The following PPP1R12C variants were observed in gnomAD, a reference collection of about 807,000 sequenced individuals.
The protein encoded by PPP1R12C is protein phosphatase 1 regulatory subunit 12C.
PPP1R12C carries 48 observed loss-of-function variants against 95.6 expected under a neutral mutation model. The ratio of observed to expected loss-of-function variants is 0.50; its 90% CI spans 0.40 to 0.64. The LOEUF (loss-of-function observed/expected upper bound fraction) is 0.64. PPP1R12C is among the 30% of genes least tolerant of loss of function. The pLI is 0.00. For missense variants in PPP1R12C, 1,057 were observed against 1,083.3 expected, an observed-to-expected ratio of 0.98 and a Z score of 0.34; for synonymous variants, 480 against 460.8, an observed-to-expected ratio of 1.04 and a Z score of -0.53.
chr19:55,101,622 G>A (rs942733998), intron 4 of PPP1R12C, among the ~76,000 whole-genome samples: 2 of 152,240 alleles, frequency 1.3e-5, no homozygotes, highest in Non-Finnish European at 2.9e-5. Flanking sequence ...AGTGGCAGGA[G>A]ATGAAGCCGC....
In PPP1R12C at chr19:55,098,940, C is replaced by T. The variant is rs560223163; in HGVS notation, c.876+11G>A. On this transcript the variant is annotated intron_variant, in intron 5 of 21. Coordinates refer to ENST00000263433, the MANE Select transcript of PPP1R12C (RefSeq NM_017607.4). ...GCCCTGCCCCTCACCAGCCTGGGCA[C>T]TGGCCCTCACCGCATGGGTCAGTGA... is the stretch of plus-strand genomic sequence containing the variant. The T allele has an allele frequency of 6.3e-6, 10 of 1,590,642 alleles. No individual in the cohort carries two copies. The East Asian group carries it at 2.1e-4, about 33-fold the overall frequency.
Position 55,092,774 on chromosome 19 carries a change from G to C in PPP1R12C, c.1911+9C>G. The C allele has an allele frequency of 1.3e-6, 2 of 1,551,406 alleles. No individual in the cohort carries two copies. Among genetic ancestry groups the C allele is most frequent in the Non-Finnish European group, 1.7e-6 (2 of 1,147,456 alleles). ...TCTGCACCAGCTCGGCCCCACCTGA[G>C]CCCCTCACCTCCGCAGGCCCCCTCC... is the stretch of plus-strand genomic sequence containing the variant. On this transcript the variant is annotated intron_variant, in intron 16 of 21. Coordinates refer to ENST00000263433, the MANE Select transcript of PPP1R12C (RefSeq NM_017607.4).
rs1266070357 is a variant in PPP1R12C at position 55,094,658 on chromosome 19, C to T, written c.1592+3G>A. The T allele has an allele frequency of 6.3e-7, 1 of 1,583,494 alleles. No homozygotes were observed. Among genetic ancestry groups the T allele is most frequent in the Non-Finnish European group, 8.6e-7 (1 of 1,169,450 alleles). ...CGGCAGCTTCCTGCCCTGGCCTCTTCACCTCCGTCGGTCCCGGGAGTCCGC... is the reference window on the plus strand; with the variant it reads ...CGGCAGCTTCCTGCCCTGGCCTCTTTACCTCCGTCGGTCCCGGGAGTCCGC... On this transcript the variant is annotated splice_donor_region_variant and intron_variant, in intron 12 of 21. Coordinates refer to ENST00000263433, the MANE Select transcript of PPP1R12C (RefSeq NM_017607.4).
At position 55,091,714 on chromosome 19, in the gene PPP1R12C, G is replaced by A. The variant is rs1568803022; in HGVS notation, c.2212-14C>T. On this transcript the variant is annotated splice_polypyrimidine_tract_variant and intron_variant, in intron 20 of 21. Coordinates refer to ENST00000263433, the MANE Select transcript of PPP1R12C (RefSeq NM_017607.4). ...GGCCCTGCGCTCCTGGAATGAACAGGGAAAGTGCAGAAACTGAGTGAGGCT... is the reference window on the plus strand; with the variant it reads ...GGCCCTGCGCTCCTGGAATGAACAGAGAAAGTGCAGAAACTGAGTGAGGCT... The A allele has an allele frequency of 1.9e-6, 3 of 1,613,526 alleles. No individual in the cohort carries two copies. The highest frequency in any genetic ancestry group is 1.6e-4 in the Middle Eastern group (1 of 6,084).
chr19:55,112,862 C>T, intron 1 of PPP1R12C, 67 bp from the exon 2 acceptor site: 1 of 1,592,046 alleles, frequency 6.3e-7, no homozygotes, highest in Non-Finnish European at 8.5e-7. Context: ...GTCGGGACTC[C>T]AGAGGGAGCC....
At position 55,105,070 on chromosome 19, in the gene PPP1R12C, CT is replaced by C. The variant is rs60663683; in HGVS notation, c.572-1503del. 6.4e-3 allele frequency among the ~76,000 whole-genome samples: 910 copies of C among 141,770 alleles called. 5 individuals are homozygous for C. The highest frequency in any genetic ancestry group is 0.01 in the Non-Finnish European group (652 of 64,604). The allele number at this position is 141,770 out of a possible 152,430, so 93.0% of individuals were successfully genotyped here. ...CAGGCAGGAGCCACCGCATCTGACC[CT>C]TTTTTTTTTTTTGAGACAGGACCTC... On this transcript the variant is annotated intron_variant, in intron 3 of 21. Coordinates refer to ENST00000263433, the MANE Select transcript of PPP1R12C (RefSeq NM_017607.4).
rs959137856 is a variant in PPP1R12C at position 55,091,023 on chromosome 19, A to G, written c.*449T>C. 1.2e-5 allele frequency: 2 copies of G among 161,204 alleles called. No homozygotes were observed. Among genetic ancestry groups the G allele is most frequent in the African/African-American group, 4.8e-5 (2 of 41,634 alleles). The allele number at this position is 161,204 out of a possible 1,614,324, so 10.0% of individuals were successfully genotyped here. On this transcript the variant is annotated 3_prime_UTR_variant, in exon 22 of 22. Transcript: ENST00000263433. Reference sequence around the variant, plus strand: ...GGGAGGGGGCAGCAAAAAATAGAAGACGTCCCTCCCTATTGCACATGGACC... The same window carrying G: ...GGGAGGGGGCAGCAAAAAATAGAAGGCGTCCCTCCCTATTGCACATGGACC...
intron 3 of PPP1R12C, among the ~76,000 whole-genome samples, chr19:55,104,954 T>C (rs1011519651): frequency 3.3e-5 from 5 of 151,976 alleles, no homozygotes; most frequent in Non-Finnish European, 7.4e-5. Flanking sequence ...GTATTTTTAA[T>C]AGAGATGGGG....
Position 55,095,305 on chromosome 19 carries a change from C to T in PPP1R12C, c.1440G>A (p.Pro480=), listed in dbSNP as rs35936110. 5.9e-3 allele frequency: 9,382 copies of T among 1,580,012 alleles called. 33 individuals are homozygous for T. Among genetic ancestry groups the T allele is most frequent in the Non-Finnish European group, 6.9e-3 (8,071 of 1,163,382 alleles). ...TGGGGACTCACAGGACAGAGGGCTCCGGCAGCTTCGGGGAGGGGGTCGGGG... is the reference window on the plus strand; with the variant it reads ...TGGGGACTCACAGGACAGAGGGCTCTGGCAGCTTCGGGGAGGGGGTCGGGG... ...RITPTPSPKL[P]EPSVLSEVTK... is the part of the protein sequence containing the mutation. Residue 480 remains proline (P), a synonymous_variant, in exon 11 of 22, where the codon CCG becomes CCA. Transcript: ENST00000263433.
chr19:55,095,646 C>T (rs2084902611), intron 9 of PPP1R12C, 43 bp from the exon 10 acceptor site: 2 of 1,512,748 alleles, frequency 1.3e-6, no homozygotes, highest in African/African-American at 2.8e-5. Context: ...AAGGATCCCT[C>T]TTCTCAGACC....
At chr19:55,099,490 A>G (rs2084958497) in intron 4 of PPP1R12C, among the ~76,000 whole-genome samples, 2 of 152,218 alleles carry the variant, frequency 1.3e-5, no homozygotes, top group South Asian at 4.1e-4. Flanking sequence ...GGGCTGTCTC[A>G]GGGCAGTAGT....
At chr19:55,110,324 G>A (rs7259847) in intron 3 of PPP1R12C, among the ~76,000 whole-genome samples, 18 of 150,248 alleles carry the variant, frequency 1.2e-4, no homozygotes, top group Non-Finnish European at 2.1e-4. Context: ...AGGTTGGTGC[G>A]GTGGGTGAGA....
intron 4 of PPP1R12C, among the ~76,000 whole-genome samples, chr19:55,101,517 C>T (rs1454076591): frequency 2.6e-5 from 4 of 152,294 alleles, no homozygotes; most frequent in African/African-American, 4.8e-5. Flanking sequence ...GGGATGCTGG[C>T]GTTAAGTGGT....
Position 55,091,918 on chromosome 19 carries a change from G to A in PPP1R12C, c.2161-9C>T. 1 of 1,613,046 alleles carries A rather than the reference G, an allele frequency of 6.2e-7. No homozygotes were observed. Among genetic ancestry groups the A allele is most frequent in the South Asian group, 1.1e-5 (1 of 91,084 alleles). On this transcript the variant is annotated splice_polypyrimidine_tract_variant and intron_variant, in intron 19 of 21. Transcript: ENST00000263433. ...GCGAAGCGTTCTTGCCTCTGGTGAG[G>A]ACACAGAAAGCACAGGGGTCAGCAG... is the stretch of plus-strand genomic sequence containing the variant.
At chr19:55,113,380 A>G (rs945724239) in intron 1 of PPP1R12C, 6 of 1,439,310 alleles carry the variant, frequency 4.2e-6, no homozygotes, top group Non-Finnish European at 5.5e-6. Context: ...GAGGGGTGAG[A>G]CAGCTGCACA....
chr19:55,091,646 C>T lies in PPP1R12C; in HGVS notation c.2262+4G>A. On this transcript the variant is annotated splice_donor_region_variant and intron_variant, in intron 21 of 21. Transcript: ENST00000263433. The stretch of plus-strand genomic sequence containing the variant: ...CCTCTGCCCACAGCCCCCACAGCCC[C>T]CACCTTCAGCTCCTCCTCCAGCTCT... 2.5e-6 allele frequency: 4 copies of T among 1,611,722 alleles called. No homozygotes were observed. The highest frequency in any genetic ancestry group is 2.5e-6 in the Non-Finnish European group (3 of 1,179,264).
chr19:55,092,310 C>T lies in PPP1R12C; in HGVS notation c.2072G>A (p.Arg691His). The T allele has an allele frequency of 1.3e-6, 2 of 1,599,316 alleles. No homozygotes were observed. The highest frequency in any genetic ancestry group is 1.3e-5 in the African/African-American group (1 of 74,774). ...GGFRTLYAEL[R>H]RENERLREAL... ...CTCGCGAAGCCGCTCGTTCTCCCTG[C>T]GCAGCTCTGCATACAGCTGGGGGTC... Residue 691 changes from arginine (R) to histidine (H), a missense_variant, in exon 19 of 22, where the codon CGC (arginine) becomes CAC (histidine). Arg to His is a conservative substitution (Grantham distance 29). Coordinates refer to ENST00000263433, the MANE Select transcript of PPP1R12C (RefSeq NM_017607.4).
chr19:55,117,268 G>A lies in PPP1R12C; in HGVS notation c.276C>T (p.Ala92=). The A allele has an allele frequency of 2.4e-6, 3 of 1,224,768 alleles. No homozygotes were observed. The highest frequency in any genetic ancestry group is 2.0e-6 in the Non-Finnish European group (2 of 984,566). The allele number at this position is 1,224,768 out of a possible 1,614,324, so 75.9% of individuals were successfully genotyped here. A position where few individuals can be genotyped will look rare whatever the true frequency, so the allele number is the denominator to read the frequency against. ...LDPAAPPPAR[A]VLDSTNADGI... ...CGTCGGCGTTGGTGGAGTCCAGCAC[G>A]GCGCGGGCGGGCGGCGGCGCGGCGG... is the stretch of plus-strand genomic sequence containing the variant. Residue 92 remains alanine, a synonymous_variant, in exon 1 of 22, where the codon GCC becomes GCT. Coordinates refer to ENST00000263433, the MANE Select transcript of PPP1R12C (RefSeq NM_017607.4).
intron 12 of PPP1R12C, 80 bp downstream of exon 12, chr19:55,094,581 C>G: frequency 6.5e-7 from 1 of 1,528,610 alleles, no homozygotes. Context: ...GGAGCCCACC[C>G]AAAGCCCCGG....
Sources: gnomAD v4.1 joint callset for allele counts (sites outside exome capture counted in the v4.1 genomes callset) on GRCh38, gnomAD v4.1.1 for gene constraint, MANE v1.5 for transcripts, NCBI Gene and HGNC (gene_info 2026-07-23, HGNC 2026-07-21) for gene names.